ADAMTS3: variants seen among roughly 807,000 people sequenced by gnomAD.
The protein encoded by ADAMTS3 is ADAM metallopeptidase with thrombospondin type 1 motif 3, also known as A disintegrin and metalloproteinase with thrombospondin motifs 3.
In ADAMTS3, 73 loss-of-function variants were observed where a neutral mutation model predicts 129.0. The ratio of observed to expected loss-of-function variants is 0.57; its 90% CI spans 0.47 to 0.69. The LOEUF (loss-of-function observed/expected upper bound fraction) is 0.69, where lower values mean the gene tolerates loss of function less well. Ranked by LOEUF, ADAMTS3 falls within the 30% of genes least tolerant of loss-of-function variation. The pLI, the probability that ADAMTS3 is intolerant of heterozygous loss-of-function variation, is 0.00. For synonymous variants in ADAMTS3, 477 were observed against 510.8 expected (o/e 0.93, Z 0.89); for missense variants, 1,457 against 1,514.5 (o/e 0.96, Z 0.63).
At chr4:72,490,678 T>C (rs1351144773) in intron 3 of ADAMTS3, among the ~76,000 whole-genome samples, 1 of 151,868 alleles carries the variant, frequency 6.6e-6, no homozygotes. Flanking sequence ...TTTATCCTTA[T>C]GCTCTTTTTT....
chr4:72,461,505 C>T (rs1718771043), intron 3 of ADAMTS3, among the ~76,000 whole-genome samples: 1 of 151,722 alleles, frequency 6.6e-6, no homozygotes, highest in Non-Finnish European at 1.5e-5. Flanking sequence ...TCCAGAAATG[C>T]TAATATACTC....
At chr4:72,393,220 G>A (rs1484411783) in intron 4 of ADAMTS3, among the ~76,000 whole-genome samples, 2 of 152,084 alleles carry the variant, frequency 1.3e-5, no homozygotes, top group Non-Finnish European at 1.5e-5. Flanking sequence ...CACCGCGCCT[G>A]GCCTCCATCA....
At chr4:72,291,868 C>T (rs188902067) in intron 19 of ADAMTS3, among the ~76,000 whole-genome samples, 39 of 152,288 alleles carry the variant, frequency 2.6e-4, no homozygotes, top group African/African-American at 7.9e-4. Flanking sequence ...GTCCCACCAA[C>T]GGTGTAAAAG....
chr4:72,476,537 G>T (rs1350924835), intron 3 of ADAMTS3, among the ~76,000 whole-genome samples: 2 of 151,918 alleles, frequency 1.3e-5, no homozygotes, highest in Non-Finnish European at 2.9e-5. Context: ...TCTACCAAAT[G>T]GTTGAAGAAG....
At chr4:72,320,609 G>C in intron 7 of ADAMTS3, 105 bp downstream of exon 7, 1 of 1,188,798 alleles carries the variant, frequency 8.4e-7, no homozygotes, top group Non-Finnish European at 1.2e-6. Flanking sequence ...GTGTGTGGTG[G>C]AAAGCAGTGG....
rs1258828283 is a variant in ADAMTS3 at position 72,283,520 on chromosome 4, G to T, written c.3234C>A (p.Asp1078Glu). The change falls in exon 22 of 22, where the codon GAC becomes GAA. Residue 1078 changes from aspartate (D) to glutamate (E), a missense_variant. Transcript: ENST00000286657. ...THDDVISNPS[D>E]LPRSLVMPTS... is the part of the protein sequence containing the mutation. Reference sequence around the variant, plus strand: ...TAGGCATCACTAGAGATCTAGGGAGGTCACTAGGGTTAGAGATGACATCAT... The same window carrying T: ...TAGGCATCACTAGAGATCTAGGGAGTTCACTAGGGTTAGAGATGACATCAT... 1.2e-6 allele frequency: 2 copies of T among 1,613,960 alleles called. No homozygotes were observed. The highest frequency in any genetic ancestry group is 1.7e-5 in the Admixed American group (1 of 59,998).
intron 4 of ADAMTS3, among the ~76,000 whole-genome samples, chr4:72,341,453 T>C (rs1200517362): frequency 6.6e-6 from 1 of 152,172 alleles, no homozygotes; most frequent in Non-Finnish European, 1.5e-5. Flanking sequence ...AAACCCTCAC[T>C]GAGGTTAAGA....
intron 4 of ADAMTS3, among the ~76,000 whole-genome samples, chr4:72,341,123 T>C (rs1434568): frequency 0.74 from 111,887 of 152,030 alleles, 42,396 homozygotes; most frequent in African/African-American, 0.82. Flanking sequence ...GTCTTTTGGC[T>C]GGGAAGGTTG....
chr4:72,476,510 T>C (rs1719237297), intron 3 of ADAMTS3, among the ~76,000 whole-genome samples: 1 of 152,104 alleles, frequency 6.6e-6, no homozygotes, highest in Admixed American at 6.5e-5. Context: ...CAGGCCCAGA[T>C]GGGTTCAATG....
At chr4:72,392,490 T>C (rs1025285671) in intron 4 of ADAMTS3, among the ~76,000 whole-genome samples, 2 of 152,230 alleles carry the variant, frequency 1.3e-5, no homozygotes, top group African/African-American at 4.8e-5. Context: ...TATTTTGCAC[T>C]TGAAATTCAT....
At chr4:72,543,176 T>G (rs375204358) in intron 3 of ADAMTS3, among the ~76,000 whole-genome samples, 9 of 152,292 alleles carry the variant, frequency 5.9e-5, no homozygotes, top group African/African-American at 2.2e-4. Flanking sequence ...TCTGAACAGG[T>G]TCTAGTTTAA....
At chr4:72,377,125 C>A (rs569535198) in intron 4 of ADAMTS3, among the ~76,000 whole-genome samples, 115 of 152,278 alleles carry the variant, frequency 7.6e-4, no homozygotes, top group African/African-American at 2.6e-3. Flanking sequence ...TGCACACCCA[C>A]AAAGGCAACT....
At chr4:72,353,254 C>T (rs1720490151) in intron 4 of ADAMTS3, among the ~76,000 whole-genome samples, 1 of 152,010 alleles carries the variant, frequency 6.6e-6, no homozygotes. Flanking sequence ...ATCATTCGTT[C>T]TAACCTCCTT....
chr4:72,284,461 AT>A (rs1718450860), intron 21 of ADAMTS3, among the ~76,000 whole-genome samples: 1 of 146,534 alleles, frequency 6.8e-6, no homozygotes, highest in South Asian at 2.2e-4. Flanking sequence ...AAAAAAAAAA[AT>A]TCTCCAGTTT....
chr4:72,520,763 G>A (rs1412749993), intron 3 of ADAMTS3, among the ~76,000 whole-genome samples: 1 of 152,092 alleles, frequency 6.6e-6, no homozygotes, highest in Non-Finnish European at 1.5e-5. Context: ...CCTTGACCAG[G>A]AAAGGAAACT....
intron 3 of ADAMTS3, among the ~76,000 whole-genome samples, chr4:72,546,045 A>G (rs1439488486): frequency 6.6e-6 from 1 of 152,196 alleles, no homozygotes; most frequent in Non-Finnish European, 1.5e-5. Flanking sequence ...CATGGCAAGA[A>G]TATGTTTTTG....
At chr4:72,461,322 A>G (rs547858464) in intron 3 of ADAMTS3, among the ~76,000 whole-genome samples, 10 of 151,796 alleles carry the variant, frequency 6.6e-5, no homozygotes, top group Non-Finnish European at 1.5e-4. Flanking sequence ...AATATTTGGT[A>G]GTTAATTACA....
chr4:72,520,159 C>T lies in ADAMTS3; in HGVS notation c.504+28319G>A, dbSNP rs549131812. Among the ~76,000 whole-genome samples, 14 of 152,292 alleles carry T rather than the reference C, an allele frequency of 9.2e-5. No homozygotes were observed. The South Asian group carries it at 2.7e-3, about 29-fold the overall frequency. ...CGGTGGCTGCAGAACAGCAGATTTT[C>T]GTGAACCACAAATGCTGCTGTCTAA... On this transcript the variant is annotated intron_variant, in intron 3 of 21. Coordinates refer to ENST00000286657, the MANE Select transcript of ADAMTS3 (RefSeq NM_014243.3).
chr4:72,416,112 C>A (rs949882744), intron 3 of ADAMTS3, among the ~76,000 whole-genome samples: 8 of 150,304 alleles, frequency 5.3e-5, no homozygotes, highest in African/African-American at 1.9e-4. Flanking sequence ...TGCTATCAAG[C>A]AACATAGAAA....
Sources: allele counts gnomAD v4.1 joint callset (sites outside exome capture counted in the v4.1 genomes callset), GRCh38; gene constraint gnomAD v4.1.1; transcripts MANE v1.5; gene names NCBI Gene and HGNC (gene_info 2026-07-23, HGNC 2026-07-21).